Variants in DSCAML1 observed in about 807,000 individuals in gnomAD.
The protein encoded by DSCAML1 is cell adhesion molecule DSCAML1.
A neutral mutation model predicts 200.5 loss-of-function variants in DSCAML1; 38 were observed. The ratio of observed to expected loss-of-function variants is 0.19; its 90% CI spans 0.15 to 0.25. The LOEUF (loss-of-function observed/expected upper bound fraction) is 0.25, where lower values mean the gene tolerates loss of function less well. DSCAML1 is among the 10% of genes least tolerant of loss of function. The probability of loss-of-function intolerance (pLI) is 1.00; values close to 1 mark genes in which losing one functional copy is unlikely to be tolerated. For synonymous variants in DSCAML1, 1,215 were observed against 1,165.0 expected, an observed-to-expected ratio of 1.04 and a Z score of -0.87; for missense variants, 2,223 against 2,858.8, an observed-to-expected ratio of 0.78 and a Z score of 5.07.
Position 117,521,285 on chromosome 11 carries a change from T to A in DSCAML1, c.1058A>T (p.Glu353Val). Reference protein sequence around the residue: ...EFTIRWYRNTELVLPDEAISI... With the variant: ...EFTIRWYRNTVLVLPDEAISI... Reference sequence around the variant, plus strand: ...GATGGCCTCGTCAGGCAGCACCAGCTCCGTGTTGCGATACCAGCGGATGGT... The same window carrying A: ...GATGGCCTCGTCAGGCAGCACCAGCACCGTGTTGCGATACCAGCGGATGGT... Residue 353 changes from glutamate to valine, a missense_variant, in exon 6 of 33, where the codon GAG becomes GTG. By Grantham distance (121) the Glu-to-Val change is moderately radical (BLOSUM62 -2). Around this residue, in one of 7 missense-constraint regions of DSCAML1, gnomAD observed 579 missense variants for 721.5 expected, o/e 0.80. Transcript: ENST00000651296. 3 of 1,614,168 alleles carry A rather than the reference T, an allele frequency of 1.9e-6. No homozygotes were observed. Among genetic ancestry groups the A allele is most frequent in the Non-Finnish European group, 2.5e-6 (3 of 1,180,020 alleles).
At chr11:117,451,411 T>A (rs996172418) in intron 19 of DSCAML1, among the ~76,000 whole-genome samples, 2 of 152,188 alleles carry the variant, frequency 1.3e-5, no homozygotes, top group African/African-American at 4.8e-5. Flanking sequence ...ACTTTTATGA[T>A]CTTTTGAGGA....
At chr11:117,707,048 G>A (rs1172160938) in intron 3 of DSCAML1, among the ~76,000 whole-genome samples, 1 of 152,166 alleles carries the variant, frequency 6.6e-6, no homozygotes, top group Non-Finnish European at 1.5e-5. Context: ...TCTGGGATAC[G>A]GTCTTACTTG....
chr11:117,529,478 T>C (rs2050035396), intron 4 of DSCAML1, among the ~76,000 whole-genome samples: 1 of 152,300 alleles, frequency 6.6e-6, no homozygotes, highest in East Asian at 1.9e-4. Flanking sequence ...GTTTGGAACA[T>C]TATTTTATGC....
At chr11:117,535,921 C>CTGCCTTGATGGTTG (rs2050160134) in intron 3 of DSCAML1, among the ~76,000 whole-genome samples, 1 of 151,440 alleles carries the variant, frequency 6.6e-6, no homozygotes, top group Admixed American at 6.6e-5. Flanking sequence ...GGGGCTGATG[C>CTGCCTTGATGGTTG]TGCCTTGATG....
At chr11:117,442,192 T>TAGTGTGTATAGTGTGTGTATGC (rs2048071182) in intron 21 of DSCAML1, among the ~76,000 whole-genome samples, 1 of 151,190 alleles carries the variant, frequency 6.6e-6, no homozygotes, top group African/African-American at 2.4e-5. Context: ...AGTGTGTATG[T>TAGTGTGTATAGTGTGTGTATGC]GTGTGCATGT....
intron 11 of DSCAML1, among the ~76,000 whole-genome samples, chr11:117,493,977 AG>A (rs1455294640): frequency 6.6e-6 from 1 of 152,184 alleles, no homozygotes; most frequent in Non-Finnish European, 1.5e-5. Flanking sequence ...TAATAATAAT[AG>A]CTAACATTTA....
At position 117,472,014 on chromosome 11, in the gene DSCAML1, G is replaced by A; in HGVS notation, c.2808C>T (p.Ser936=). 1 of 1,614,096 alleles carries A rather than the reference G, an allele frequency of 6.2e-7. No individual in the cohort carries two copies. The highest frequency in any genetic ancestry group is 8.5e-7 in the Non-Finnish European group (1 of 1,179,998). The change falls in exon 15 of 33, where the codon TCC becomes TCT. Residue 936 remains serine, a synonymous_variant. Transcript: ENST00000651296. The stretch of plus-strand genomic sequence containing the variant: ...TGATGGTGGGGGAGATGTTGCGTGT[G>A]GACTGCTTGAAGTCCCAGGAATCTG... ...NKSDSWDFKQ[S]TRNISPTINQ...
At chr11:117,443,852 G>A (rs1555169020) in intron 21 of DSCAML1, 34 bp downstream of exon 21, 1 of 1,551,822 alleles carries the variant, frequency 6.4e-7, no homozygotes. Flanking sequence ...TTTTGGAAGT[G>A]TTTGCCCCTC....
In DSCAML1 at chr11:117,505,320, G is replaced by T. The variant is rs2049472499; in HGVS notation, c.2062+134C>A. 4.8e-6 allele frequency: 6 copies of T among 1,256,156 alleles called. No individual in the cohort carries two copies. The highest frequency in any genetic ancestry group is 6.5e-6 in the Non-Finnish European group (6 of 922,270). 77.8% of individuals were successfully genotyped at this position (1,256,156 alleles called of 1,614,324 possible). ...CTGCCCTGGAAAATAAGAGGTTTAG[G>T]CTCCAACAGGCCCTTCAAGATGCTG... On this transcript the variant is annotated intron_variant, in intron 9 of 32. Coordinates refer to ENST00000651296, the MANE Select transcript of DSCAML1 (RefSeq NM_020693.4). The surrounding 1 kb of genome is among the most constrained non-coding windows in gnomAD (Gnocchi z 6.7).
chr11:117,617,690 ACACACACACACAC>A (rs2051839318), intron 3 of DSCAML1, among the ~76,000 whole-genome samples: 2 of 78,650 alleles, frequency 2.5e-5, no homozygotes, highest in African/African-American at 9.6e-5. Context: ...GCACACACAC[ACACACACACACAC>A]ACACACACAC....
At position 117,480,299 on chromosome 11, in the gene DSCAML1, T is replaced by C. The variant is rs771181318; in HGVS notation, c.2785+144A>G. 5.7e-5 allele frequency: 73 copies of C among 1,285,622 alleles called. No homozygotes were observed. Among genetic ancestry groups the C allele is most frequent in the Non-Finnish European group, 7.1e-5 (66 of 935,224 alleles). 79.6% of individuals were successfully genotyped at this position (1,285,622 alleles called of 1,614,324 possible). A position where few individuals can be genotyped will look rare whatever the true frequency, so the allele number is the denominator to read the frequency against. ...CCCTCCCTTCAGAAGCCACAGCTGC[T>C]TGTGCACTGGTGGGTGCTTGTGTGT... is the stretch of plus-strand genomic sequence containing the variant. On this transcript the variant is annotated intron_variant, in intron 14 of 32. Coordinates refer to ENST00000651296, the MANE Select transcript of DSCAML1 (RefSeq NM_020693.4). This position sits in a 1 kb window ranked among gnomAD's most constrained non-coding sequence, Gnocchi z 4.1.
At chr11:117,536,078 T>A (rs1321677725) in intron 3 of DSCAML1, among the ~76,000 whole-genome samples, 2 of 149,468 alleles carry the variant, frequency 1.3e-5, no homozygotes, top group African/African-American at 4.9e-5. Context: ...GTTTTGCTCC[T>A]CCTGAAACAA....
chr11:117,506,746 T>C (rs1332237591), intron 8 of DSCAML1, among the ~76,000 whole-genome samples: 1 of 151,952 alleles, frequency 6.6e-6, no homozygotes, highest in Non-Finnish European at 1.5e-5. Context: ...CAGGTGTCAT[T>C]ATGTTGGCCA....
upstream of DSCAML1, among the ~76,000 whole-genome samples, chr11:117,800,501 C>A (rs76921569): frequency 0.052 from 7,895 of 152,308 alleles, 358 homozygotes; most frequent in African/African-American, 0.12. Flanking sequence ...GACAGGCACA[C>A]CTGTGCTTCA....
intron 14 of DSCAML1, among the ~76,000 whole-genome samples, chr11:117,473,792 C>G (rs2048733656): frequency 6.6e-6 from 1 of 152,216 alleles, no homozygotes; most frequent in Non-Finnish European, 1.5e-5. Context: ...TTAAAACACC[C>G]TAACCACGGG....
upstream of DSCAML1, among the ~76,000 whole-genome samples, chr11:117,797,841 A>G (rs1341091242): frequency 8.9e-6 from 1 of 112,862 alleles, no homozygotes; most frequent in African/African-American, 4.0e-5. Context: ...TTTAATGTCT[A>G]CGCTACCTGT....
At chr11:117,514,665 C>T (rs1317815232) in intron 8 of DSCAML1, among the ~76,000 whole-genome samples, 1 of 147,306 alleles carries the variant, frequency 6.8e-6, no homozygotes, top group Non-Finnish European at 1.5e-5. Flanking sequence ...TCACTGCAAC[C>T]TCCACCTCCC....
intron 7 of DSCAML1, among the ~76,000 whole-genome samples, chr11:117,517,247 T>C (rs1057042150): frequency 2.0e-5 from 3 of 152,326 alleles, no homozygotes; most frequent in South Asian, 2.1e-4. Context: ...CTGATGACTT[T>C]CGTTCAACAA....
Position 117,480,935 on chromosome 11 carries a change from C to CA in DSCAML1, c.2656+238dup, listed in dbSNP as rs1453060721. Among the ~76,000 whole-genome samples, 1 of 152,190 alleles carries CA rather than the reference C, an allele frequency of 6.6e-6. No individual in the cohort carries two copies. Among genetic ancestry groups the CA allele is most frequent in the African/African-American group, 2.4e-5 (1 of 41,442 alleles). On this transcript the variant is annotated intron_variant, in intron 13 of 32. Transcript: ENST00000651296. The surrounding 1 kb of genome is among the most constrained non-coding windows in gnomAD (Gnocchi z 4.1). ...CTCCCCCACCCCTCCCCAGAAGGGT[C>CA]AGTGGAATCTATAGCGGCTGTAGCC...
Sources: gnomAD v4.1 joint callset for allele counts (sites outside exome capture counted in the v4.1 genomes callset) on GRCh38, gnomAD v4.1.1 for gene constraint, gnomAD v4.1.1 regional missense constraint, Gnocchi (gnomAD v3.1) non-coding constraint, MANE v1.5 for transcripts, NCBI Gene and HGNC (gene_info 2026-07-23, HGNC 2026-07-21) for gene names.